CCSER1: variants seen among roughly 807,000 people sequenced by gnomAD.
CCSER1 encodes serine-rich coiled-coil domain-containing protein 1.
In CCSER1, 41 loss-of-function variants were observed where a neutral mutation model predicts 82.0. That is an observed-to-expected ratio of 0.50 (90% CI 0.39 to 0.65). The LOEUF (loss-of-function observed/expected upper bound fraction) is 0.65. Among genes scored for constraint, CCSER1 ranks in the 30% least tolerant of loss-of-function variants. The pLI is 0.00. For synonymous variants in CCSER1, 414 were observed against 383.9 expected (o/e 1.08, Z -0.92); for missense variants, 1,119 against 1,064.2 (o/e 1.05, Z -0.72).
intron 10 of CCSER1, among the ~76,000 whole-genome samples, chr4:91,307,332 ATTTCC>A (rs1024116655): frequency 2.1e-5 from 3 of 144,814 alleles, no homozygotes; most frequent in African/African-American, 5.2e-5. Context: ...TTATCTTGCT[ATTTCC>A]TTTCAAGAAC....
intron 8 of CCSER1, among the ~76,000 whole-genome samples, chr4:90,905,383 C>CAT (rs1491271058): frequency 7.1e-6 from 1 of 141,094 alleles, no homozygotes; most frequent in African/African-American, 2.5e-5. Context: ...CACACACACA[C>CAT]ATATATTAGT....
intron 10 of CCSER1, among the ~76,000 whole-genome samples, chr4:91,385,039 C>T (rs1316961649): frequency 6.6e-6 from 1 of 151,966 alleles, no homozygotes; most frequent in African/African-American, 2.4e-5. Context: ...ATAAGAAAAA[C>T]TATTTGTGCA....
intron 10 of CCSER1, among the ~76,000 whole-genome samples, chr4:91,391,015 A>G (rs1010742229): frequency 6.6e-6 from 1 of 151,798 alleles, no homozygotes; most frequent in Admixed American, 6.6e-5. Context: ...TGATCTTTTC[A>G]AGGATCATCT....
intron 6 of CCSER1, among the ~76,000 whole-genome samples, chr4:90,705,619 AC>A (rs1385589197): frequency 6.6e-6 from 1 of 152,138 alleles, no homozygotes; most frequent in Non-Finnish European, 1.5e-5. Flanking sequence ...GGTGGTCTCC[AC>A]CCAGTTTGAG....
At chr4:91,020,817 C>T (rs1739888924) in intron 9 of CCSER1, among the ~76,000 whole-genome samples, 1 of 152,128 alleles carries the variant, frequency 6.6e-6, no homozygotes, top group Non-Finnish European at 1.5e-5. Context: ...CAAGGTACTT[C>T]TGTTTTCTCT....
chr4:91,572,884 C>T (rs1055494036), intron 10 of CCSER1, among the ~76,000 whole-genome samples: 5 of 152,008 alleles, frequency 3.3e-5, no homozygotes, highest in Admixed American at 1.3e-4. Context: ...ATCCCTCCAC[C>T]CCTAGTCAGC....
chr4:91,431,499 C>T (rs1754315532), intron 10 of CCSER1, among the ~76,000 whole-genome samples: 1 of 151,898 alleles, frequency 6.6e-6, no homozygotes, highest in Non-Finnish European at 1.5e-5. Flanking sequence ...TGGGGTTTCG[C>T]TCTTGTTGCC....
chr4:91,307,086 A>G (rs1301099343), intron 10 of CCSER1, among the ~76,000 whole-genome samples: 1 of 151,950 alleles, frequency 6.6e-6, no homozygotes, highest in Non-Finnish European at 1.5e-5. Context: ...TAAGTATCAC[A>G]ACAATCTATG....
intron 1 of CCSER1, among the ~76,000 whole-genome samples, chr4:90,291,459 T>C (rs944796704): frequency 3.9e-5 from 6 of 152,004 alleles, no homozygotes; most frequent in African/African-American, 1.2e-4. Flanking sequence ...GAAAAGGCCC[T>C]TGTGCCATAA....
intron 10 of CCSER1, among the ~76,000 whole-genome samples, chr4:91,465,813 A>C (rs1158905132): frequency 1.3e-5 from 2 of 152,178 alleles, no homozygotes; most frequent in African/African-American, 4.8e-5. Flanking sequence ...GAAGAAGCTG[A>C]ATCCCTGAAT....
At chr4:90,899,036 G>A (rs753882236) in intron 8 of CCSER1, among the ~76,000 whole-genome samples, 28 of 151,886 alleles carry the variant, frequency 1.8e-4, no homozygotes, top group Non-Finnish European at 3.2e-4. Context: ...TTTTTGGGAT[G>A]TGTAGTCATT....
chr4:90,448,768 G>C (rs189945955), intron 4 of CCSER1, among the ~76,000 whole-genome samples: 3 of 151,942 alleles, frequency 2.0e-5, no homozygotes, highest in Non-Finnish European at 4.4e-5. Context: ...GAGAGAAAGC[G>C]AGAAGGGCTG....
intron 8 of CCSER1, among the ~76,000 whole-genome samples, chr4:90,859,421 G>T (rs1025250655): frequency 1.3e-5 from 2 of 151,650 alleles, no homozygotes; most frequent in Non-Finnish European, 3.0e-5. Context: ...ATGGGAAAAA[G>T]GCTCTTTCTC....
intron 7 of CCSER1, among the ~76,000 whole-genome samples, chr4:90,773,667 G>A (rs1642535542): frequency 6.6e-6 from 1 of 152,090 alleles, no homozygotes; most frequent in African/African-American, 2.4e-5. Context: ...TGCACTAGTG[G>A]CTTAATGATA....
rs1739260133 is a variant in CCSER1, at chr4:91,014,520, A to AT, written c.2173-71428dup. Among the ~76,000 whole-genome samples, 2 of 134,496 alleles carry AT rather than the reference A, an allele frequency of 1.5e-5. 1 individual carries two copies. The highest frequency in any genetic ancestry group is 3.5e-5 in the Non-Finnish European group (2 of 57,848). 88.2% of individuals were successfully genotyped at this position (134,496 alleles called of 152,430 possible). A position where few individuals can be genotyped will look rare whatever the true frequency, so the allele number is the denominator to read the frequency against. ...TCTATAGTAGTTCTACTCTGGAAAC[A>AT]TTGTTTTATTACCTAATGAATTCTT... On this transcript the variant is annotated intron_variant, in intron 9 of 10. Coordinates refer to ENST00000509176, the MANE Select transcript of CCSER1 (RefSeq NM_001145065.2).
At chr4:91,314,765 C>T (rs1007953477) in intron 10 of CCSER1, among the ~76,000 whole-genome samples, 3 of 151,876 alleles carry the variant, frequency 2.0e-5, no homozygotes, top group Admixed American at 6.6e-5. Context: ...TCCATCATAC[C>T]AAATATGGAT....
chr4:90,151,266 A>C (rs1004690043), intron 1 of CCSER1, among the ~76,000 whole-genome samples: 2 of 152,106 alleles, frequency 1.3e-5, no homozygotes, highest in Non-Finnish European at 2.9e-5. Context: ...GTAGCATTTT[A>C]ATATATTCTT....
chr4:90,932,841 A>AG (rs1455159399), intron 9 of CCSER1, among the ~76,000 whole-genome samples: 1 of 144,528 alleles, frequency 6.9e-6, no homozygotes, highest in Non-Finnish European at 1.5e-5. Flanking sequence ...AAAAAAAAAA[A>AG]AAAAGAAACA....
intron 1 of CCSER1, among the ~76,000 whole-genome samples, chr4:90,269,675 T>A: frequency 6.6e-6 from 1 of 150,468 alleles, no homozygotes; most frequent in African/African-American, 2.5e-5. Flanking sequence ...AAAGAAATAA[T>A]GAATATTAGA....
Sources: gnomAD v4.1 joint callset for allele counts (sites outside exome capture counted in the v4.1 genomes callset) on GRCh38, gnomAD v4.1.1 for gene constraint, MANE v1.5 for transcripts, NCBI Gene and HGNC (gene_info 2026-07-23, HGNC 2026-07-21) for gene names.